The following CCDC158 variants were observed in gnomAD, a reference collection of about 807,000 sequenced individuals.
CCDC158 encodes coiled-coil domain-containing protein 158.
Under a neutral mutation model 138.6 loss-of-function variants are expected in CCDC158, and 116 were observed. The observed-to-expected ratio is 0.84, with a 90% confidence interval of 0.72 to 0.98. The LOEUF (loss-of-function observed/expected upper bound fraction) is 0.98, where lower values mean the gene tolerates loss of function less well. CCDC158 is among the 50% of genes least tolerant of loss of function. CCDC158 has a pLI of 0.00. For synonymous variants in CCDC158, 436 were observed against 442.4 expected, an observed-to-expected ratio of 0.99 and a Z score of 0.18; for missense variants, 1,265 against 1,306.1, an observed-to-expected ratio of 0.97 and a Z score of 0.48.
At chr4:76,396,519 C>G in intron 3 of CCDC158, 33 bp from the exon 4 acceptor site, 1 of 1,546,292 alleles carries the variant, frequency 6.5e-7, no homozygotes, top group South Asian at 1.2e-5. Context: ...ATTAACTTTT[C>G]GTTTTTTTTG....
upstream of CCDC158, among the ~76,000 whole-genome samples, chr4:76,421,286 G>T (rs1377021972): frequency 3.3e-5 from 5 of 151,972 alleles, no homozygotes; most frequent in African/African-American, 9.7e-5. Flanking sequence ...GCCCGGCGGG[G>T]ACCCCTCCCG....
chr4:76,384,164 C>A lies in CCDC158; in HGVS notation c.650G>T (p.Ser217Ile), dbSNP rs777337362. The change falls in exon 6 of 25, where the codon AGC becomes ATC. Residue 217 changes from serine to isoleucine, a missense_variant. Ser to Ile is a moderately radical substitution (Grantham distance 142, BLOSUM62 -2). Transcript: ENST00000682701. Reference protein sequence around the residue: ...HDSMSTLHFRSLGSAISKILR... With the variant: ...HDSMSTLHFRILGSAISKILR... ...TATTTTACTAATAGCTGAGCCCAAG[C>A]TGCGGAAGTGCAGAGTAGACATGCT... 3.7e-6 allele frequency: 6 copies of A among 1,614,110 alleles called. No homozygotes were observed. The South Asian group carries it at 6.6e-5, about 18-fold the overall frequency.
intron 4 of CCDC158, among the ~76,000 whole-genome samples, chr4:76,393,827 T>A (rs1035699817): frequency 9.2e-5 from 14 of 152,060 alleles, no homozygotes; most frequent in Non-Finnish European, 1.6e-4. Flanking sequence ...ATGATTTGAA[T>A]AGACATTTCT....
intron 1 of CCDC158, among the ~76,000 whole-genome samples, chr4:76,417,746 G>A (rs1379939394): frequency 6.6e-6 from 1 of 152,142 alleles, no homozygotes; most frequent in East Asian, 1.9e-4. Context: ...GTAGGTGAGG[G>A]AAGGCCTTCC....
At chr4:76,385,288 G>A (rs1030396772) in intron 4 of CCDC158, among the ~76,000 whole-genome samples, 1 of 151,774 alleles carries the variant, frequency 6.6e-6, no homozygotes, top group Non-Finnish European at 1.5e-5. Context: ...CTGAACACTT[G>A]AAGAAAAATC....
At chr4:76,345,110 C>A in intron 18 of CCDC158, 1 of 1,174,266 alleles carries the variant, frequency 8.5e-7, no homozygotes, top group Non-Finnish European at 1.3e-6. Flanking sequence ...ATGTCTATAT[C>A]CACACTGCAG....
At chr4:76,413,101 C>T (rs746886277) in intron 1 of CCDC158, among the ~76,000 whole-genome samples, 8 of 150,782 alleles carry the variant, frequency 5.3e-5, no homozygotes, top group Non-Finnish European at 1.2e-4. Flanking sequence ...TGAGTCAAAA[C>T]AGGTCTATCT....
At chr4:76,324,249 G>A (rs28371417) in intron 23 of CCDC158, among the ~76,000 whole-genome samples, 4,360 of 149,142 alleles carry the variant, frequency 0.029, 211 homozygotes, top group African/African-American at 0.1. Context: ...GTGCAATCAT[G>A]GGATCTCAGC....
At chr4:76,346,046 A>G (rs568823862) in intron 18 of CCDC158, among the ~76,000 whole-genome samples, 2 of 152,356 alleles carry the variant, frequency 1.3e-5, no homozygotes, top group Admixed American at 1.3e-4. Flanking sequence ...ACAGATATAT[A>G]GACCACTGGA....
At position 76,362,257 on chromosome 4, in the gene CCDC158, A is replaced by G. The variant is rs753869358; in HGVS notation, c.1889T>C (p.Leu630Ser). Residue 630 changes from leucine (L) to serine (S), a missense_variant, in exon 13 of 25, where the codon TTG (leucine) becomes TCG (serine). Transcript: ENST00000682701. ...CACCAGCTTCACCTTTTCCAGCTCC[A>G]AGTCACTCACTCTGGCCTCAAGCTC... Reference protein sequence around the residue: ...IRELEARVSDLELEKVKLVNA... With the variant: ...IRELEARVSDSELEKVKLVNA... 15 of 1,614,022 alleles carry G rather than the reference A, an allele frequency of 9.3e-6. No homozygotes were observed. Among genetic ancestry groups the G allele is most frequent in the Non-Finnish European group, 1.0e-5 (12 of 1,180,022 alleles).
chr4:76,328,861 A>AT, intron 22 of CCDC158, 39 bp downstream of exon 22: 1 of 1,540,340 alleles, frequency 6.5e-7, no homozygotes, highest in African/African-American at 1.4e-5. Context: ...ATGGGGAGAC[A>AT]TTGTAGGGCC....
chr4:76,383,919 G>A (rs1726524460), intron 6 of CCDC158, among the ~76,000 whole-genome samples, 169 bp downstream of exon 6: 1 of 152,148 alleles, frequency 6.6e-6, no homozygotes, highest in African/African-American at 2.4e-5. Context: ...AAGCTATACG[G>A]TAAACCAAGC....
chr4:76,325,996 GT>G lies in CCDC158; in HGVS notation c.3029del (p.Asn1010ThrfsTer20). The G allele has an allele frequency of 6.2e-7, 1 of 1,611,826 alleles. No individual in the cohort carries two copies. The highest frequency in any genetic ancestry group is 8.5e-7 in the Non-Finnish European group (1 of 1,179,174). On this transcript the variant is annotated frameshift_variant, in exon 23 of 25. Coordinates refer to ENST00000682701, the MANE Select transcript of CCDC158 (RefSeq NM_001394954.1). LOFTEE classifies it high-confidence loss of function. ...AAGAATTGAATGAACGAGAAGCTGA[GT>G]TTTTCACAGATGGACTTGCTAAAAG... ...FTSAASPSVK[N>X]SASRSFNSSP...
chr4:76,403,284 T>C lies in CCDC158; in HGVS notation c.-73-4A>G, dbSNP rs1361868106. The C allele has an allele frequency of 7.2e-6, 7 of 968,470 alleles. No homozygotes were observed. The highest frequency in any genetic ancestry group is 1.1e-5 in the Non-Finnish European group (7 of 645,708). The allele number at this position is 968,470 out of a possible 1,614,324, so 60.0% of individuals were successfully genotyped here. ...CTTTGGTTCTTTTGGTTCCTGTCTATGAAAGACAGAGATTCAATCTTTATT... is the reference window on the plus strand; with the variant it reads ...CTTTGGTTCTTTTGGTTCCTGTCTACGAAAGACAGAGATTCAATCTTTATT... On this transcript the variant is annotated splice_polypyrimidine_tract_variant and splice_region_variant and intron_variant, in intron 2 of 24. Coordinates refer to ENST00000682701, the MANE Select transcript of CCDC158 (RefSeq NM_001394954.1).
intron 1 of CCDC158, chr4:76,414,245 G>C (rs1729517550): frequency 6.6e-6 from 1 of 152,158 alleles, no homozygotes; most frequent in African/African-American, 2.4e-5. Context: ...TATGTTTACA[G>C]TCGTATTAAA....
At chr4:76,387,447 G>A (rs1401165036) in intron 4 of CCDC158, among the ~76,000 whole-genome samples, 1 of 152,124 alleles carries the variant, frequency 6.6e-6, no homozygotes, top group East Asian at 1.9e-4. Flanking sequence ...AGCACTTTGA[G>A]AAGCTGAGGT....
intron 4 of CCDC158, among the ~76,000 whole-genome samples, chr4:76,394,147 G>A (rs986587553): frequency 1.3e-5 from 2 of 152,018 alleles, no homozygotes; most frequent in Non-Finnish European, 2.9e-5. Flanking sequence ...TCCCCAAAAA[G>A]GAAATCAATA....
rs929313435 is a variant in CCDC158, at chr4:76,355,306, C to G, written c.2286+18G>C. ...GAGTGAACATGTTGGTTTCCCCACT[C>G]TGAGGACAGCAACCCACCTTATTTG... On this transcript the variant is annotated intron_variant, in intron 15 of 24. Transcript: ENST00000682701. 5 of 1,535,774 alleles carry G rather than the reference C, an allele frequency of 3.3e-6. No individual in the cohort carries two copies. The highest frequency in any genetic ancestry group is 4.5e-6 in the Non-Finnish European group (5 of 1,108,670).
chr4:76,418,027 G>A (rs1233123088), intron 1 of CCDC158, among the ~76,000 whole-genome samples: 2 of 152,204 alleles, frequency 1.3e-5, no homozygotes, highest in African/African-American at 4.8e-5. Context: ...CAGTGAGGTT[G>A]GCGGAGGTAA....
Sources: allele counts gnomAD v4.1 joint callset (sites outside exome capture counted in the v4.1 genomes callset), GRCh38; gene constraint gnomAD v4.1.1; transcripts MANE v1.5; gene names NCBI Gene and HGNC (gene_info 2026-07-23, HGNC 2026-07-21).